NCALD: variants seen among roughly 807,000 people sequenced by gnomAD.
NCALD encodes the protein neurocalcin delta.
In NCALD, 10 loss-of-function variants were observed where a neutral mutation model predicts 18.6. The ratio of observed to expected loss-of-function variants is 0.54; its 90% CI spans 0.33 to 0.91. The LOEUF (loss-of-function observed/expected upper bound fraction) is 0.91, where lower values mean the gene tolerates loss of function less well. NCALD is among the 40% of genes least tolerant of loss of function. NCALD has a pLI of 0.03. For missense variants in NCALD, 184 were observed against 247.6 expected (o/e 0.74, Z 1.72); for synonymous variants, 88 against 87.4 (o/e 1.01, Z -0.04).
chr8:101,851,421 C>T (rs576770172), intron 4 of NCALD, among the ~76,000 whole-genome samples: 1 of 152,148 alleles, frequency 6.6e-6, no homozygotes, highest in Admixed American at 6.5e-5. Context: ...AAGCATTTAG[C>T]ATTGTCACCC....
At chr8:101,861,384 C>G (rs73696531) in intron 4 of NCALD, among the ~76,000 whole-genome samples, 1 of 151,746 alleles carries the variant, frequency 6.6e-6, no homozygotes, top group Non-Finnish European at 1.5e-5. Context: ...TGGGAGAGAC[C>G]GCTGTGGCTC....
chr8:101,732,614 T>G (rs1425225708), intron 1 of NCALD, among the ~76,000 whole-genome samples: 2 of 131,612 alleles, frequency 1.5e-5, no homozygotes, highest in Admixed American at 1.5e-4. Flanking sequence ...TTTTTTTTTT[T>G]TTTTTTTGAG....
chr8:101,690,081 G>A (rs773865018), intron 3 of NCALD, among the ~76,000 whole-genome samples: 17 of 152,126 alleles, frequency 1.1e-4, no homozygotes, highest in South Asian at 8.3e-4. Context: ...TGATGTGCTG[G>A]AGGAGGGAGG....
chr8:101,879,940 C>T (rs1347512567), intron 4 of NCALD, among the ~76,000 whole-genome samples: 3 of 152,184 alleles, frequency 2.0e-5, no homozygotes, highest in Non-Finnish European at 4.4e-5. Flanking sequence ...CTGCTAGGGC[C>T]GCAGGGCAGA....
chr8:101,850,319 G>A (rs946624138), intron 4 of NCALD, among the ~76,000 whole-genome samples: 4 of 152,122 alleles, frequency 2.6e-5, no homozygotes, highest in African/African-American at 4.8e-5. Flanking sequence ...TCTCCTGCTC[G>A]CCTGCTGTAT....
intron 1 of NCALD, among the ~76,000 whole-genome samples, chr8:101,730,590 A>G (rs1210119272): frequency 6.6e-6 from 1 of 151,658 alleles, no homozygotes; most frequent in Non-Finnish European, 1.5e-5. Context: ...TTATCGATGG[A>G]TTCAACAAAT....
chr8:102,032,055 G>A (rs530270545), intron 1 of NCALD, among the ~76,000 whole-genome samples: 7 of 152,280 alleles, frequency 4.6e-5, no homozygotes, highest in African/African-American at 1.7e-4. Context: ...TGTGGAGACA[G>A]AACTCCTGCC....
chr8:101,863,173 C>G (rs1815616309), intron 4 of NCALD, among the ~76,000 whole-genome samples: 1 of 152,200 alleles, frequency 6.6e-6, no homozygotes, highest in Non-Finnish European at 1.5e-5. Context: ...TCCATCACCT[C>G]TCATTCTCTT....
At chr8:101,724,395 G>C (rs1415727658) in intron 1 of NCALD, among the ~76,000 whole-genome samples, 2 of 152,188 alleles carry the variant, frequency 1.3e-5, no homozygotes, top group Admixed American at 1.3e-4. Flanking sequence ...ATGTCCTGTT[G>C]GATGAACACT....
intron 4 of NCALD, among the ~76,000 whole-genome samples, chr8:101,854,550 C>G (rs1210815372): frequency 6.6e-6 from 1 of 152,128 alleles, no homozygotes; most frequent in Non-Finnish European, 1.5e-5. Flanking sequence ...CTGGTCTTGA[C>G]AGCAAATCTT....
chr8:101,979,087 G>C (rs1489178614), intron 2 of NCALD, among the ~76,000 whole-genome samples: 2 of 152,162 alleles, frequency 1.3e-5, no homozygotes, highest in Non-Finnish European at 2.9e-5. Flanking sequence ...TGCTCAGAGA[G>C]CCAAACCCCA....
chr8:102,070,830 G>A (rs898616508), intron 1 of NCALD, among the ~76,000 whole-genome samples: 11 of 152,098 alleles, frequency 7.2e-5, no homozygotes, highest in Non-Finnish European at 1.0e-4. Context: ...GCTGCTTACC[G>A]GGAAAAGACC....
intron 3 of NCALD, among the ~76,000 whole-genome samples, chr8:101,892,397 A>G (rs1165913026): frequency 3.4e-5 from 5 of 148,722 alleles, no homozygotes; most frequent in African/African-American, 1.3e-4. Context: ...AGTAGATAAA[A>G]CCACAAAGAC....
chr8:102,101,624 T>G (rs998473013), intron 1 of NCALD, among the ~76,000 whole-genome samples: 1 of 152,234 alleles, frequency 6.6e-6, no homozygotes, highest in African/African-American at 2.4e-5. Context: ...ATGTGTGTGT[T>G]TTGTTTTCCT....
intron 4 of NCALD, among the ~76,000 whole-genome samples, chr8:101,852,290 C>A (rs1404229593): frequency 3.9e-5 from 6 of 152,194 alleles, no homozygotes; most frequent in Non-Finnish European, 7.4e-5. Context: ...ATGTTCTTTT[C>A]ACTTCCTTAT....
At chr8:101,721,982 C>A (rs1816379302) in intron 1 of NCALD, among the ~76,000 whole-genome samples, 2 of 151,892 alleles carry the variant, frequency 1.3e-5, no homozygotes, top group South Asian at 4.2e-4. Context: ...GCTGGTATTA[C>A]AGGTGTGTAC....
intron 2 of NCALD, among the ~76,000 whole-genome samples, chr8:102,006,731 T>C (rs1821727326): frequency 6.6e-6 from 1 of 152,252 alleles, no homozygotes; most frequent in African/African-American, 2.4e-5. Flanking sequence ...CTCCAACTCC[T>C]CTTCCCGCTT....
intron 2 of NCALD, among the ~76,000 whole-genome samples, chr8:102,004,010 T>A (rs1284177722): frequency 2.0e-5 from 3 of 151,496 alleles, no homozygotes; most frequent in Non-Finnish European, 2.9e-5. Flanking sequence ...TTCAACATAG[T>A]GTTGGAAGTT....
At chr8:101,776,806 T>C (rs1260334027) in intron 1 of NCALD, among the ~76,000 whole-genome samples, 1 of 152,158 alleles carries the variant, frequency 6.6e-6, no homozygotes, top group Non-Finnish European at 1.5e-5. Flanking sequence ...CATGATTATA[T>C]AGAACCATGA....
Sources: gnomAD v4.1 joint callset for allele counts (sites outside exome capture counted in the v4.1 genomes callset) on GRCh38, gnomAD v4.1.1 for gene constraint, MANE v1.5 for transcripts, NCBI Gene and HGNC (gene_info 2026-07-23, HGNC 2026-07-21) for gene names.